Variants in SLC2A5 observed in about 807,000 individuals in gnomAD.
SLC2A5 encodes the protein solute carrier family 2, facilitated glucose transporter member 5.
Under a neutral mutation model 50.3 loss-of-function variants are expected in SLC2A5, and 56 were observed. The ratio of observed to expected loss-of-function variants is 1.11; its 90% CI spans 0.90 to 1.39. SLC2A5 has a LOEUF of 1.39. Among genes scored for constraint, SLC2A5 ranks in the 40% most tolerant of loss-of-function variants. The pLI, the probability that SLC2A5 is intolerant of heterozygous loss-of-function variation, is 0.00. For synonymous variants in SLC2A5, 269 were observed against 281.9 expected, an observed-to-expected ratio of 0.95 and a Z score of 0.46; for missense variants, 566 against 650.1, an observed-to-expected ratio of 0.87 and a Z score of 1.41.
intron 3 of SLC2A5, among the ~76,000 whole-genome samples, chr1:9,056,255 A>G (rs1409043929): frequency 6.6e-6 from 1 of 152,058 alleles, no homozygotes; most frequent in Non-Finnish European, 1.5e-5. Flanking sequence ...GTGCGATCTT[A>G]GCTCACGGCA....
At chr1:9,072,761 C>A (rs1363498688), upstream of SLC2A5, among the ~76,000 whole-genome samples, 1 of 149,372 alleles carries the variant, frequency 6.7e-6, no homozygotes, top group Non-Finnish European at 1.5e-5. Flanking sequence ...ACCAGCCTGG[C>A]CAACATGGTG....
intron 1 of SLC2A5, among the ~76,000 whole-genome samples, chr1:9,068,189 CAAA>C (rs755203801): frequency 0.026 from 2,004 of 77,028 alleles, 62 homozygotes; most frequent in African/African-American, 0.094. Context: ...GACTCTGTGT[CAAA>C]AAAAAAAAAA....
chr1:9,047,793 A>G, intron 3 of SLC2A5, 59 bp from the exon 4 acceptor site: 1 of 1,577,952 alleles, frequency 6.3e-7, no homozygotes, highest in Non-Finnish European at 8.7e-7. Context: ...CATTCAAGAA[A>G]TGTTTCTGGA....
intron 1 of SLC2A5, among the ~76,000 whole-genome samples, chr1:9,066,277 G>C (rs60607074): frequency 6.6e-6 from 1 of 151,768 alleles, no homozygotes; most frequent in Non-Finnish European, 1.5e-5. Context: ...CTGGAGTCAC[G>C]CAGGCTGGAG....
chr1:9,050,337 A>G (rs1641539122), intron 3 of SLC2A5, among the ~76,000 whole-genome samples: 1 of 151,998 alleles, frequency 6.6e-6, no homozygotes, highest in Non-Finnish European at 1.5e-5. Context: ...GCACTCCTGT[A>G]GTCCCAGCTA....
At chr1:9,038,286 C>A in intron 10 of SLC2A5, 145 bp downstream of exon 10, 1 of 704,588 alleles carries the variant, frequency 1.4e-6, no homozygotes, top group Non-Finnish European at 2.5e-6. Flanking sequence ...TCATTATGTG[C>A]CACCCACCCC....
In SLC2A5 at chr1:9,039,781, G is replaced by C; in HGVS notation, c.885+19C>G. 1.3e-6 allele frequency: 2 copies of C among 1,502,910 alleles called. No individual in the cohort carries two copies. Among genetic ancestry groups the C allele is most frequent in the Non-Finnish European group, 1.8e-6 (2 of 1,125,530 alleles). 93.1% of individuals were successfully genotyped at this position (1,502,910 alleles called of 1,614,324 possible). On this transcript the variant is annotated intron_variant, in intron 7 of 11. Transcript: ENST00000377424. ...CCCCCGAGCCCTCCCCAGCTCCCGA[G>C]CCGCAGCCCGGCCCATACAGCGTTG...
chr1:9,063,525 A>G (rs1305331223), intron 1 of SLC2A5, among the ~76,000 whole-genome samples: 1 of 151,522 alleles, frequency 6.6e-6, no homozygotes, highest in African/African-American at 2.4e-5. Flanking sequence ...GGTGCATGCC[A>G]CCACGCCTGG....
chr1:9,050,053 C>T (rs796744896), intron 3 of SLC2A5, among the ~76,000 whole-genome samples: 26 of 152,152 alleles, frequency 1.7e-4, no homozygotes, highest in African/African-American at 5.8e-4. Flanking sequence ...GGGTGGATCA[C>T]CTGAGGCCAG....
intron 1 of SLC2A5, among the ~76,000 whole-genome samples, chr1:9,067,446 G>A (rs758846734): frequency 6.6e-6 from 1 of 152,226 alleles, no homozygotes; most frequent in Non-Finnish European, 1.5e-5. Context: ...CTGCCACGTG[G>A]GGGTGTTTCC....
At chr1:9,055,139 G>T (rs1415772056) in intron 3 of SLC2A5, among the ~76,000 whole-genome samples, 1 of 152,144 alleles carries the variant, frequency 6.6e-6, no homozygotes, top group Non-Finnish European at 1.5e-5. Flanking sequence ...AAACATCCTG[G>T]GTTGGAGTCC....
intron 2 of SLC2A5, among the ~76,000 whole-genome samples, chr1:9,084,349 CTT>C (rs769500770): frequency 5.9e-5 from 9 of 152,336 alleles, no homozygotes; most frequent in Non-Finnish European, 1.2e-4. Flanking sequence ...GCAACTCTCT[CTT>C]GAGTAGGCCC....
chr1:9,063,681 CTTTTTTTT>C lies in SLC2A5; in HGVS notation c.34-5439_34-5432del, dbSNP rs70985579. Among the ~76,000 whole-genome samples the C allele has an allele frequency of 1.4e-3, 65 of 45,164 alleles. 3 individuals carry two copies. The highest frequency in any genetic ancestry group is 2.8e-3 in the East Asian group (4 of 1,436). 29.6% of individuals were successfully genotyped at this position (45,164 alleles called of 152,430 possible). On this transcript the variant is annotated intron_variant, in intron 1 of 11. Coordinates refer to ENST00000377424, the MANE Select transcript of SLC2A5 (RefSeq NM_003039.3). The stretch of plus-strand genomic sequence containing the variant: ...AGCCAACACATCAGGCTATTATTTA[CTTTTTTTT>C]TTTTTTTTTTTTTTTTTTTTTTTGA...
chr1:9,059,132 CTTTCTTT>C (rs1641835387), intron 1 of SLC2A5, among the ~76,000 whole-genome samples: 2 of 80,362 alleles, frequency 2.5e-5, no homozygotes, highest in Non-Finnish European at 4.4e-5. Context: ...AGCCGCCTTT[CTTTCTTT>C]TTTTTTTTTT....
At chr1:9,055,024 A>T (rs1336732408) in intron 3 of SLC2A5, among the ~76,000 whole-genome samples, 2 of 152,214 alleles carry the variant, frequency 1.3e-5, no homozygotes, top group Non-Finnish European at 2.9e-5. Context: ...TGCATAAAAA[A>T]GGTACTATAT....
In SLC2A5 at chr1:9,069,561, C is replaced by A. The variant is rs5438; in HGVS notation, c.-25G>T. On this transcript the variant is annotated 5_prime_UTR_variant, in exon 1 of 12. Coordinates refer to ENST00000377424, the MANE Select transcript of SLC2A5 (RefSeq NM_003039.3). Reference sequence around the variant, plus strand: ...TGCTTGCTCTGGAAGGGCAGAGTGCCGCTCACCTCCTTTTAGCCAAAGTAA... The same window carrying A: ...TGCTTGCTCTGGAAGGGCAGAGTGCAGCTCACCTCCTTTTAGCCAAAGTAA... The A allele has an allele frequency of 6.2e-7, 1 of 1,613,684 alleles. No homozygotes were observed. The highest frequency in any genetic ancestry group is 1.1e-5 in the South Asian group (1 of 91,010).
At chr1:9,085,736 G>A (rs781074013) in intron 1 of SLC2A5, among the ~76,000 whole-genome samples, 3 of 152,276 alleles carry the variant, frequency 2.0e-5, no homozygotes, top group Non-Finnish European at 2.9e-5. Context: ...TTTACCTTTG[G>A]TTACACTGGG....
intron 1 of SLC2A5, among the ~76,000 whole-genome samples, chr1:9,060,482 AC>A (rs1427813782): frequency 2.5e-5 from 3 of 120,838 alleles, no homozygotes; most frequent in Non-Finnish European, 5.3e-5. Context: ...ACACACCCAT[AC>A]CCCACCCCCC....
chr1:9,068,260 T>C (rs997925931), intron 1 of SLC2A5, among the ~76,000 whole-genome samples: 1 of 150,834 alleles, frequency 6.6e-6, no homozygotes, highest in Admixed American at 6.6e-5. Flanking sequence ...ACTCACTCTG[T>C]GCCAGGTACT....
Sources: gnomAD v4.1 joint callset for allele counts (sites outside exome capture counted in the v4.1 genomes callset) on GRCh38, gnomAD v4.1.1 for gene constraint, MANE v1.5 for transcripts, NCBI Gene and HGNC (gene_info 2026-07-23, HGNC 2026-07-21) for gene names.